The following CALB2 variants were observed in gnomAD, a reference collection of about 807,000 sequenced individuals.
CALB2 encodes the protein calretinin.
CALB2 carries 34 observed loss-of-function variants against 45.9 expected under a neutral mutation model. The ratio of observed to expected loss-of-function variants is 0.74; its 90% CI spans 0.56 to 0.99. CALB2 has a LOEUF of 0.99. CALB2 is among the 50% of genes least tolerant of loss of function. The pLI is 0.00. For missense variants in CALB2, 344 were observed against 339.3 expected (o/e 1.01, Z -0.11); for synonymous variants, 142 against 129.6 (o/e 1.10, Z -0.65).
Position 71,358,806 on chromosome 16 carries a change from A to G in CALB2, c.14A>G (p.Gln5Arg). The G allele has an allele frequency of 6.2e-7, 1 of 1,607,906 alleles. No individual in the cohort carries two copies. Residue 5 changes from glutamine to arginine, a missense_variant, in exon 1 of 11, where the codon CAG becomes CGG. Physicochemically the swap from Gln to Arg is conservative, Grantham distance 43. Around this residue, in one of 3 missense-constraint regions of CALB2, gnomAD observed 77 missense variants for 80.5 expected, o/e 0.96. Transcript: ENST00000302628. The stretch of plus-strand genomic sequence containing the variant: ...GAGCGGCTCGCCATGGCTGGCCCGC[A>G]GCAGCAGCCCCCTTACCTGCACCTG... Reference protein sequence around the residue: MAGPQQQPPYLHLAE... With the variant: MAGPRQQPPYLHLAE...
At chr16:71,388,810 C>T (rs1467085582) in intron 10 of CALB2, among the ~76,000 whole-genome samples, 1 of 146,724 alleles carries the variant, frequency 6.8e-6, no homozygotes, top group East Asian at 2.0e-4. Flanking sequence ...GTGAAACCCC[C>T]GTCTCTACTA....
At chr16:71,387,495 G>C (rs955350889) in intron 10 of CALB2, among the ~76,000 whole-genome samples, 3 of 151,612 alleles carry the variant, frequency 2.0e-5, no homozygotes, top group Admixed American at 6.6e-5. Context: ...ATAGATGCAC[G>C]CATTCCATTT....
intron 3 of CALB2, among the ~76,000 whole-genome samples, chr16:71,376,628 CCCACATGCAA>C (rs1203784736): frequency 2.0e-5 from 3 of 151,434 alleles, no homozygotes; most frequent in African/African-American, 4.9e-5. Context: ...TCCACATGCA[CCCACATGCAA>C]CCACATGTGC....
At chr16:71,385,361 C>A in intron 9 of CALB2, 1 of 476,364 alleles carries the variant, frequency 2.1e-6, no homozygotes, top group Non-Finnish European at 3.7e-6. Context: ...TGAAAAGCAC[C>A]ACAATGAAAG....
At chr16:71,383,277 T>G in intron 5 of CALB2, 90 bp from the exon 6 acceptor site, 1 of 1,144,826 alleles carries the variant, frequency 8.7e-7, no homozygotes, top group Admixed American at 1.9e-5. Context: ...CACACACACA[T>G]TGAGAGACTG....
In CALB2 at chr16:71,358,781, G is replaced by T. The variant is rs752173653; in HGVS notation, c.-12G>T. Reference sequence around the variant, plus strand: ...GGGAGCGGTGCAGGCTGAGGTCTCCGAGCGGCTCGCCATGGCTGGCCCGCA... The same window carrying T: ...GGGAGCGGTGCAGGCTGAGGTCTCCTAGCGGCTCGCCATGGCTGGCCCGCA... On this transcript the variant is annotated 5_prime_UTR_variant, in exon 1 of 11. Transcript: ENST00000302628. The T allele has an allele frequency of 1.3e-6, 2 of 1,599,972 alleles. No homozygotes were observed. The highest frequency in any genetic ancestry group is 1.7e-4 in the Middle Eastern group (1 of 5,958).
chr16:71,376,005 T>C (rs539027999), intron 3 of CALB2, among the ~76,000 whole-genome samples: 11 of 152,294 alleles, frequency 7.2e-5, no homozygotes, highest in Admixed American at 3.9e-4. Flanking sequence ...AGCTGAGGGA[T>C]GGCCAACAGC....
At chr16:71,369,275 C>G (rs1487662384) in intron 1 of CALB2, among the ~76,000 whole-genome samples, 1 of 152,150 alleles carries the variant, frequency 6.6e-6, no homozygotes, top group Non-Finnish European at 1.5e-5. Flanking sequence ...ATCATTGTCC[C>G]CATTTCACAG....
chr16:71,382,244 G>T (rs999330344), intron 4 of CALB2, among the ~76,000 whole-genome samples: 1 of 152,180 alleles, frequency 6.6e-6, no homozygotes, highest in African/African-American at 2.4e-5. Context: ...AGCGGAACAT[G>T]GTTCTCCGGG....
At chr16:71,362,287 G>C (rs371097927) in intron 1 of CALB2, among the ~76,000 whole-genome samples, 33 of 152,276 alleles carry the variant, frequency 2.2e-4, no homozygotes, top group Non-Finnish European at 4.1e-4. Context: ...TCTGCGAGCA[G>C]CAAAGTTGTG....
chr16:71,377,866 C>T (rs1483769619), intron 4 of CALB2, 119 bp downstream of exon 4: 2 of 658,002 alleles, frequency 3.0e-6, no homozygotes, highest in Non-Finnish European at 5.3e-6. Flanking sequence ...CCCCTTAGAG[C>T]TCTGCTACTC....
At chr16:71,380,927 G>C (rs1057025414) in intron 4 of CALB2, among the ~76,000 whole-genome samples, 1 of 152,210 alleles carries the variant, frequency 6.6e-6, no homozygotes, top group South Asian at 2.1e-4. Context: ...TGAATGAGAA[G>C]AGAAAGGATG....
intron 1 of CALB2, among the ~76,000 whole-genome samples, chr16:71,368,043 C>G (rs968736006): frequency 2.0e-5 from 3 of 152,170 alleles, no homozygotes; most frequent in Non-Finnish European, 4.4e-5. Flanking sequence ...AAGTCGATCT[C>G]TACTCTATGA....
intron 10 of CALB2, among the ~76,000 whole-genome samples, chr16:71,388,911 T>A (rs1815825467): frequency 6.8e-6 from 1 of 146,468 alleles, no homozygotes; most frequent in East Asian, 2.0e-4. Flanking sequence ...GGCATGAGAA[T>A]AGCTTGAACC....
At chr16:71,364,948 G>A (rs551952874) in intron 1 of CALB2, among the ~76,000 whole-genome samples, 9 of 152,232 alleles carry the variant, frequency 5.9e-5, no homozygotes, top group South Asian at 4.1e-4. Flanking sequence ...TTCCCCCTCC[G>A]ATTCCTCCTT....
At chr16:71,383,545 GC>G in intron 6 of CALB2, 101 bp downstream of exon 6, 1 of 1,063,224 alleles carries the variant, frequency 9.4e-7, no homozygotes, top group Non-Finnish European at 1.4e-6. Context: ...GATTCTTCAG[GC>G]CCAAGGGAAG....
chr16:71,370,788 G>A (rs1333324223), intron 1 of CALB2, among the ~76,000 whole-genome samples: 2 of 152,174 alleles, frequency 1.3e-5, no homozygotes, highest in East Asian at 1.9e-4. Flanking sequence ...AGGAGGCACG[G>A]CCTGAGCCCT....
intron 1 of CALB2, among the ~76,000 whole-genome samples, chr16:71,360,697 C>T (rs1022215537): frequency 6.6e-6 from 1 of 152,192 alleles, no homozygotes; most frequent in Non-Finnish European, 1.5e-5. Flanking sequence ...TGTCCATAAC[C>T]ACGCAGATCC....
chr16:71,369,098 C>T (rs1439575941), intron 1 of CALB2, among the ~76,000 whole-genome samples: 1 of 152,136 alleles, frequency 6.6e-6, no homozygotes, highest in Non-Finnish European at 1.5e-5. Context: ...TCTTTCCAAC[C>T]TGAAGAAAGC....
Sources: gnomAD v4.1 joint callset for allele counts (sites outside exome capture counted in the v4.1 genomes callset) on GRCh38, gnomAD v4.1.1 for gene constraint, gnomAD v4.1.1 regional missense constraint, MANE v1.5 for transcripts, NCBI Gene and HGNC (gene_info 2026-07-23, HGNC 2026-07-21) for gene names.